DYNC1H1: variants seen among roughly 807,000 people sequenced by gnomAD.
The protein encoded by DYNC1H1 is cytoplasmic dynein 1 heavy chain 1.
Under a neutral mutation model 527.1 loss-of-function variants are expected in DYNC1H1, and 51 were observed. The observed-to-expected ratio is 0.10, with a 90% CI of 0.08 to 0.12. The LOEUF (loss-of-function observed/expected upper bound fraction) is 0.12, where lower values mean the gene tolerates loss of function less well. Among genes scored for constraint, DYNC1H1 ranks in the 10% least tolerant of loss-of-function variants. DYNC1H1 has a pLI of 1.00. For missense variants in DYNC1H1, 2,771 were observed against 5,971.8 expected, an observed-to-expected ratio of 0.46 and a Z score of 17.66; for synonymous variants, 2,189 against 2,278.8, an observed-to-expected ratio of 0.96 and a Z score of 1.12.
At position 102,029,475 on chromosome 14, in the gene DYNC1H1, T is replaced by A; in HGVS notation, c.9469-64T>A. On this transcript the variant is annotated intron_variant, in intron 48 of 77. Coordinates refer to ENST00000360184, the MANE Select transcript of DYNC1H1 (RefSeq NM_001376.5). This position sits in a 1 kb window ranked among gnomAD's most constrained non-coding sequence, Gnocchi z 5.3. Reference sequence around the variant, plus strand: ...CACACCCATCTGCCAAGGCCAAAATTGTTTTCTGAGGTTAAGTCACAGAGT... The same window carrying A: ...CACACCCATCTGCCAAGGCCAAAATAGTTTTCTGAGGTTAAGTCACAGAGT... 6.2e-7 allele frequency: 1 copy of A among 1,611,684 alleles called. No homozygotes were observed. The highest frequency in any genetic ancestry group is 8.5e-7 in the Non-Finnish European group (1 of 1,178,876).
chr14:102,042,842 G>A lies in DYNC1H1; in HGVS notation c.12513+94G>A. On this transcript the variant is annotated intron_variant, in intron 69 of 77. Coordinates refer to ENST00000360184, the MANE Select transcript of DYNC1H1 (RefSeq NM_001376.5). This position sits in a 1 kb window ranked among gnomAD's most constrained non-coding sequence, Gnocchi z 5.7. The stretch of plus-strand genomic sequence containing the variant: ...GAAGTGGGTCCCTGGGCCCCCGGAA[G>A]TGCCGTGTGGTGAACTGCACAGCTG... 7.2e-7 allele frequency: 1 copy of A among 1,392,400 alleles called. No individual in the cohort carries two copies. Among genetic ancestry groups the A allele is most frequent in the Non-Finnish European group, 1.0e-6 (1 of 999,700 alleles). 86.3% of individuals were successfully genotyped at this position (1,392,400 alleles called of 1,614,324 possible).
chr14:102,042,587 G>A lies in DYNC1H1; in HGVS notation c.12400-48G>A, dbSNP rs1437503047. The A allele has an allele frequency of 6.2e-7, 1 of 1,613,708 alleles. No individual in the cohort carries two copies. The highest frequency in any genetic ancestry group is 1.7e-5 in the Admixed American group (1 of 59,970). ...GCACGTGTGTGGTGGAATTGAACAG[G>A]CGCCCTCATCCACACCCGAGCATAA... is the stretch of plus-strand genomic sequence containing the variant. On this transcript the variant is annotated intron_variant, in intron 68 of 77. Coordinates refer to ENST00000360184, the MANE Select transcript of DYNC1H1 (RefSeq NM_001376.5). The surrounding 1 kb of genome is among the most constrained non-coding windows in gnomAD (Gnocchi z 5.7).
rs1438140177 is a variant in DYNC1H1, at chr14:102,011,016, T to C, written c.6618+64T>C. 7.7e-6 allele frequency: 12 copies of C among 1,550,636 alleles called. No individual in the cohort carries two copies. On this transcript the variant is annotated intron_variant, in intron 32 of 77. Coordinates refer to ENST00000360184, the MANE Select transcript of DYNC1H1 (RefSeq NM_001376.5). This position sits in a 1 kb window ranked among gnomAD's most constrained non-coding sequence, Gnocchi z 5.3. ...CCCTGCTGGCTTTAGTGTCTGGTAA[T>C]GACAACCGTGGGCCCTTCGATGAAA... is the stretch of plus-strand genomic sequence containing the variant.
chr14:102,006,529 G>A (rs561953189), intron 27 of DYNC1H1, among the ~76,000 whole-genome samples: 10 of 152,106 alleles, frequency 6.6e-5, no homozygotes, highest in Non-Finnish European at 8.8e-5. Flanking sequence ...CACCACGCCC[G>A]GCCTGAATGT....
At chr14:102,046,336 A>G (rs959951671) in intron 72 of DYNC1H1, among the ~76,000 whole-genome samples, 1 of 152,188 alleles carries the variant, frequency 6.6e-6, no homozygotes, top group African/African-American at 2.4e-5. Context: ...AGTCACGAAA[A>G]GCTAAGAAGA....
Position 102,048,553 on chromosome 14 carries a change from T to C in DYNC1H1, c.13256T>C (p.Met4419Thr), listed in dbSNP as rs1053380753. The C allele has an allele frequency of 6.2e-7, 1 of 1,614,194 alleles. No individual in the cohort carries two copies. ...AGGTTCTTTGAGAGAGAAGTGAAGATGGGCGCAAAGCTGCTTCAGGACGTT... is the reference window on the plus strand; with the variant it reads ...AGGTTCTTTGAGAGAGAAGTGAAGACGGGCGCAAAGCTGCTTCAGGACGTT... ...LFRFFEREVK[M>T]GAKLLQDVRQ... The change falls in exon 74 of 78, where the codon ATG becomes ACG. Residue 4419 changes from methionine (M) to threonine (T), a missense_variant. By Grantham distance (81) the Met-to-Thr change is moderately conservative (BLOSUM62 -1). This residue lies in a region of DYNC1H1 where 170 missense variants were observed against 249.8 expected (regional missense o/e 0.68). Coordinates refer to ENST00000360184, the MANE Select transcript of DYNC1H1 (RefSeq NM_001376.5).
chr14:102,048,462 C>A (rs537101486), intron 73 of DYNC1H1, 54 bp from the exon 74 acceptor site: 4 of 1,611,892 alleles, frequency 2.5e-6, no homozygotes, highest in South Asian at 1.1e-5. Flanking sequence ...TTGACCTTTA[C>A]ACTGGAGAAA....
At chr14:102,003,876 C>T in intron 23 of DYNC1H1, among the ~76,000 whole-genome samples, 1 of 150,148 alleles carries the variant, frequency 6.7e-6, no homozygotes, top group African/African-American at 2.4e-5. Context: ...CAGTGAGCCA[C>T]GATTGCGCCG....
At chr14:102,019,616 T>C (rs1205853608) in intron 41 of DYNC1H1, among the ~76,000 whole-genome samples, 2 of 152,212 alleles carry the variant, frequency 1.3e-5, no homozygotes, top group African/African-American at 4.8e-5. Context: ...TGTTTACTCA[T>C]TTGGAGACGG....
intron 57 of DYNC1H1, chr14:102,037,857 T>C (rs866686978): frequency 6.5e-6 from 1 of 153,596 alleles, no homozygotes; most frequent in Non-Finnish European, 1.4e-5. Flanking sequence ...AGAAATGAAA[T>C]AAAATGCCAT....
In DYNC1H1 at chr14:102,010,177, C is replaced by G. The variant is rs540651948; in HGVS notation, c.6221+91C>G. On this transcript the variant is annotated intron_variant, in intron 30 of 77. Transcript: ENST00000360184. This position sits in a 1 kb window ranked among gnomAD's most constrained non-coding sequence, Gnocchi z 6.0. The stretch of plus-strand genomic sequence containing the variant: ...AAAATTTTTATATGTAATGATGGTA[C>G]GTCTTTCAAAATATCCATCTCTGGT... The G allele has an allele frequency of 6.2e-7, 1 of 1,611,698 alleles. No homozygotes were observed.
chr14:101,977,444 A>G lies in DYNC1H1; in HGVS notation c.344+1645A>G, dbSNP rs571194465. 3.9e-4 allele frequency among the ~76,000 whole-genome samples: 59 copies of G among 152,342 alleles called. No homozygotes were observed. In the South Asian group the frequency reaches 0.012, roughly 31 times the overall value. On this transcript the variant is annotated intron_variant, in intron 2 of 77. Coordinates refer to ENST00000360184, the MANE Select transcript of DYNC1H1 (RefSeq NM_001376.5). ...AATCATTTGACAGTTAGTTATAGAC[A>G]ATATGCTCCTTTATCCCTAAATACT... is the stretch of plus-strand genomic sequence containing the variant.
Position 102,001,678 on chromosome 14 carries a change from C to T in DYNC1H1, c.4539C>T (p.Tyr1513=), listed in dbSNP as rs1422153586. The change falls in exon 21 of 78, where the codon TAC becomes TAT. Residue 1513 remains tyrosine (Y), a synonymous_variant. Coordinates refer to ENST00000360184, the MANE Select transcript of DYNC1H1 (RefSeq NM_001376.5). The surrounding 1 kb of genome is among the most constrained non-coding windows in gnomAD (Gnocchi z 5.0). ...SVSAMKLSPY[Y]KVFEEDALSW... ...CGGCCATGAAGCTCTCTCCGTATTA[C>T]AAGGTGCTGTTGCTGGGGAAGCTTT... 3 of 1,614,082 alleles carry T rather than the reference C, an allele frequency of 1.9e-6. No individual in the cohort carries two copies. Among genetic ancestry groups the T allele is most frequent in the Non-Finnish European group, 1.7e-6 (2 of 1,180,038 alleles).
In DYNC1H1 at chr14:101,986,845, C is replaced by T; in HGVS notation, c.2538+82C>T. 3 of 1,500,434 alleles carry T rather than the reference C, an allele frequency of 2.0e-6. No individual in the cohort carries two copies. The highest frequency in any genetic ancestry group is 2.8e-6 in the Non-Finnish European group (3 of 1,079,746). The allele number at this position is 1,500,434 out of a possible 1,614,324, so 92.9% of individuals were successfully genotyped here. ...GAGCTCAGTTAAAACACTAGTTCTC[C>T]CGAAGAAGGCATGCATGGTTGATGC... On this transcript the variant is annotated intron_variant, in intron 8 of 77. Transcript: ENST00000360184. This position sits in a 1 kb window ranked among gnomAD's most constrained non-coding sequence, Gnocchi z 8.7.
At chr14:101,972,289 A>G (rs575957998) in intron 1 of DYNC1H1, among the ~76,000 whole-genome samples, 35 of 152,086 alleles carry the variant, frequency 2.3e-4, no homozygotes, top group Non-Finnish European at 4.9e-4. Context: ...AGTGTCCTAA[A>G]TTGTGTGACT....
chr14:102,049,344 G>C lies in DYNC1H1; in HGVS notation c.13373-96G>C, dbSNP rs896529771. ...AGGTGGAGCCGCCAGCCGCCTGTGT[G>C]GGCAGCCAGGATGCCTAGCACTTGC... On this transcript the variant is annotated intron_variant, in intron 74 of 77. Transcript: ENST00000360184. This position sits in a 1 kb window ranked among gnomAD's most constrained non-coding sequence, Gnocchi z 5.5. 1.3e-6 allele frequency: 2 copies of C among 1,582,218 alleles called. No homozygotes were observed. Among genetic ancestry groups the C allele is most frequent in the Non-Finnish European group, 1.7e-6 (2 of 1,163,750 alleles).
At position 102,020,017 on chromosome 14, in the gene DYNC1H1, G is replaced by A. The variant is rs1034689180; in HGVS notation, c.8468G>A (p.Arg2823Gln). Residue 2823 changes from arginine (R) to glutamine (Q), a missense_variant, in exon 42 of 78, where the codon CGG becomes CAG. Coordinates refer to ENST00000360184, the MANE Select transcript of DYNC1H1 (RefSeq NM_001376.5). This position sits in a 1 kb window ranked among gnomAD's most constrained non-coding sequence, Gnocchi z 4.3. ...LETLPVEGLI[R>Q]IWAHEALRLF... ...ACCCTGCCTGTTGAAGGCCTCATTC[G>A]GATTTGGGCACATGAAGCTCTGCGT... 3.7e-6 allele frequency: 6 copies of A among 1,614,066 alleles called. No homozygotes were observed. The highest frequency in any genetic ancestry group is 1.3e-5 in the African/African-American group (1 of 74,916).
rs1379979204 is a variant in DYNC1H1, at chr14:101,983,917, TC to T, written c.1461+310del. 6.6e-6 allele frequency among the ~76,000 whole-genome samples: 1 copy of T among 152,266 alleles called. No homozygotes were observed. Among genetic ancestry groups the T allele is most frequent in the South Asian group, 2.1e-4 (1 of 4,830 alleles). ...TGGTTTTGAACTGGCCTTCAAGTGT[TC>T]CACCTGCCTCGGCCTCCCAAAGTGC... On this transcript the variant is annotated intron_variant, in intron 7 of 77. Coordinates refer to ENST00000360184, the MANE Select transcript of DYNC1H1 (RefSeq NM_001376.5). The surrounding 1 kb of genome is among the most constrained non-coding windows in gnomAD (Gnocchi z 5.3).
chr14:101,984,060 C>T (rs1394473098), intron 7 of DYNC1H1, among the ~76,000 whole-genome samples: 1 of 152,086 alleles, frequency 6.6e-6, no homozygotes, highest in East Asian at 1.9e-4. Context: ...CTTCGCCTCC[C>T]GGGCTCAAGC....
Sources: gnomAD v4.1 joint callset for allele counts (sites outside exome capture counted in the v4.1 genomes callset) on GRCh38, gnomAD v4.1.1 for gene constraint, gnomAD v4.1.1 regional missense constraint, Gnocchi (gnomAD v3.1) non-coding constraint, MANE v1.5 for transcripts, NCBI Gene and HGNC (gene_info 2026-07-23, HGNC 2026-07-21) for gene names.